Variants in TMOD1 observed in about 807,000 individuals in gnomAD.
The protein encoded by TMOD1 is tropomodulin 1.
A neutral mutation model predicts 40.6 loss-of-function variants in TMOD1; 17 were observed. That is an observed-to-expected ratio of 0.42 (90% CI 0.29 to 0.63). The LOEUF is 0.63. Ranked by LOEUF, TMOD1 falls within the 20% of genes least tolerant of loss-of-function variation. The pLI, the probability that TMOD1 is intolerant of heterozygous loss-of-function variation, is 0.22. For synonymous variants in TMOD1, 181 were observed against 175.0 expected (o/e 1.03, Z -0.27); for missense variants, 391 against 447.6 (o/e 0.87, Z 1.14).
At chr9:97,547,903 T>C (rs1305947299) in intron 3 of TMOD1, among the ~76,000 whole-genome samples, 1 of 152,214 alleles carries the variant, frequency 6.6e-6, no homozygotes, top group African/African-American at 2.4e-5. Context: ...GCCTGCCATA[T>C]AGTAGGGGTG....
At chr9:97,525,606 T>A (rs1284916653) in intron 2 of TMOD1, among the ~76,000 whole-genome samples, 1 of 152,250 alleles carries the variant, frequency 6.6e-6, no homozygotes, top group Admixed American at 6.5e-5. Flanking sequence ...ATTAGTTTGT[T>A]GTAGTTTTCC....
intron 9 of TMOD1, 96 bp from the exon 10 acceptor site, chr9:97,599,538 A>AC (rs1554687169): frequency 1.1e-5 from 16 of 1,499,852 alleles, no homozygotes; most frequent in South Asian, 5.8e-5. Flanking sequence ...TTAACAAACC[A>AC]ATTAGTGCGA....
In TMOD1 at chr9:97,566,123, C is replaced by T. The variant is rs114427535; in HGVS notation, c.726+168C>T. On this transcript the variant is annotated intron_variant, in intron 7 of 9. Coordinates refer to ENST00000259365, the MANE Select transcript of TMOD1 (RefSeq NM_003275.4). ...GGGGTGTAGAGGGAACAGCCATCACCTGGCACCACCTACACGTCATCCTGG... is the reference window on the plus strand; with the variant it reads ...GGGGTGTAGAGGGAACAGCCATCACTTGGCACCACCTACACGTCATCCTGG... Among the ~76,000 whole-genome samples, 685 of 152,250 alleles carry T rather than the reference C, an allele frequency of 4.5e-3. 7 individuals are homozygous for T. Among genetic ancestry groups the T allele is most frequent in the African/African-American group, 0.014 (588 of 41,534 alleles).
At chr9:97,540,235 T>C (rs549204004) in intron 2 of TMOD1, among the ~76,000 whole-genome samples, 1 of 152,294 alleles carries the variant, frequency 6.6e-6, no homozygotes, top group Admixed American at 6.5e-5. Flanking sequence ...AGACTTATTT[T>C]TGCACAATTC....
chr9:97,519,802 G>C (rs952520189), intron 1 of TMOD1, among the ~76,000 whole-genome samples: 5 of 152,094 alleles, frequency 3.3e-5, no homozygotes, highest in Non-Finnish European at 1.5e-5. Flanking sequence ...GGAGCCTGAC[G>C]ACAGCATGGC....
chr9:97,525,814 G>A (rs1830006305), intron 2 of TMOD1, among the ~76,000 whole-genome samples: 1 of 152,216 alleles, frequency 6.6e-6, no homozygotes, highest in African/African-American at 2.4e-5. Context: ...AAGTGGCCTG[G>A]TGGCAGTTTT....
intron 2 of TMOD1, among the ~76,000 whole-genome samples, chr9:97,545,777 C>T (rs1830351066): frequency 2.0e-5 from 3 of 152,208 alleles, no homozygotes; most frequent in Admixed American, 6.5e-5. Flanking sequence ...ATACTCAACT[C>T]AACTCCTGTG....
At chr9:97,562,427 A>C (rs372711143) in intron 4 of TMOD1, among the ~76,000 whole-genome samples, 15 of 152,252 alleles carry the variant, frequency 9.9e-5, no homozygotes, top group Admixed American at 1.3e-4. Context: ...AGATGGAAAG[A>C]GAGCCTTCCA....
At chr9:97,591,203 G>T (rs902254826) in intron 8 of TMOD1, 88 bp from the exon 9 acceptor site, 10 of 1,384,884 alleles carry the variant, frequency 7.2e-6, no homozygotes, top group Non-Finnish European at 9.6e-6. Flanking sequence ...CTACTCAAGA[G>T]TTTCTGCAGG....
intron 1 of TMOD1, among the ~76,000 whole-genome samples, chr9:97,510,334 G>A (rs371900948): frequency 6.6e-6 from 1 of 152,002 alleles, no homozygotes; most frequent in Non-Finnish European, 1.5e-5. Context: ...AGGTTCAAGC[G>A]ATTCTTTTGC....
At position 97,524,446 on chromosome 9, in the gene TMOD1, T is replaced by C. The variant is rs907317271; in HGVS notation, c.120+138T>C. 7 of 1,065,360 alleles carry C rather than the reference T, an allele frequency of 6.6e-6. No homozygotes were observed. The Admixed American group carries it at 2.0e-4, about 30-fold the overall frequency. 66.0% of individuals were successfully genotyped at this position (1,065,360 alleles called of 1,614,324 possible). ...GGTATAACTTTGCCTTTGCAGATTT[T>C]TCTTTTAATGTGTTGTATTAGGGTT... On this transcript the variant is annotated intron_variant, in intron 2 of 9. Transcript: ENST00000259365.
At chr9:97,552,044 T>A (rs1217471101) in intron 3 of TMOD1, among the ~76,000 whole-genome samples, 2 of 152,238 alleles carry the variant, frequency 1.3e-5, no homozygotes, top group Middle Eastern at 3.2e-3. Context: ...CCTGCAATAT[T>A]GCTGACTTTG....
intron 6 of TMOD1, among the ~76,000 whole-genome samples, chr9:97,564,509 G>A (rs1353462903): frequency 6.6e-6 from 1 of 152,170 alleles, no homozygotes; most frequent in Non-Finnish European, 1.5e-5. Context: ...TCAGACACAC[G>A]CTGCTGCATG....
chr9:97,590,866 A>G (rs1054791312), intron 8 of TMOD1, among the ~76,000 whole-genome samples: 1 of 152,146 alleles, frequency 6.6e-6, no homozygotes, highest in East Asian at 1.9e-4. Flanking sequence ...ATCTCCTGAG[A>G]AGTTTTTAAA....
intron 5 of TMOD1, 67 bp from the exon 6 acceptor site, chr9:97,563,971 T>C (rs371073283): frequency 6.4e-7 from 1 of 1,564,140 alleles, no homozygotes. Flanking sequence ...TTCCACAGTA[T>C]CTTTGTGTTG....
rs866775203 is a variant in TMOD1, at chr9:97,594,732, C to T, written c.1015+3297C>T. ...CCTGGGCACCAAGCTCTAAACAGAG[C>T]GTTCTGTGAGTGCAGGGTGCCAGGG... On this transcript the variant is annotated intron_variant, in intron 9 of 9. Transcript: ENST00000259365. 2.7e-4 allele frequency among the ~76,000 whole-genome samples: 41 copies of T among 152,316 alleles called. No individual in the cohort carries two copies. The Middle Eastern group carries it at 0.017, about 63-fold the overall frequency.
At chr9:97,519,791 C>T (rs923961590) in intron 1 of TMOD1, among the ~76,000 whole-genome samples, 5 of 152,094 alleles carry the variant, frequency 3.3e-5, no homozygotes, top group East Asian at 1.9e-4. Context: ...TGAGGGACCT[C>T]GGAGCCTGAC....
chr9:97,514,186 C>T (rs566393401), intron 1 of TMOD1, among the ~76,000 whole-genome samples: 5 of 150,986 alleles, frequency 3.3e-5, no homozygotes, highest in Non-Finnish European at 5.9e-5. Flanking sequence ...CTCAGCCTCC[C>T]GAGTAGCTTG....
In TMOD1 at chr9:97,557,749, C is replaced by T. The variant is rs1830558074; in HGVS notation, c.397+4349C>T. Among the ~76,000 whole-genome samples, 1 of 152,114 alleles carries T rather than the reference C, an allele frequency of 6.6e-6. No individual in the cohort carries two copies. The highest frequency in any genetic ancestry group is 1.5e-5 in the Non-Finnish European group (1 of 68,010). ...GGGGATGTGTGCTGTTATCTCTCTG[C>T]GTCCTGAGTGGAATTACCAAATGAG... On this transcript the variant is annotated intron_variant, in intron 4 of 9. Coordinates refer to ENST00000259365, the MANE Select transcript of TMOD1 (RefSeq NM_003275.4). The surrounding 1 kb of genome is among the most constrained non-coding windows in gnomAD (Gnocchi z 4.4).
Sources: gnomAD v4.1 joint callset for allele counts (sites outside exome capture counted in the v4.1 genomes callset) on GRCh38, gnomAD v4.1.1 for gene constraint, Gnocchi (gnomAD v3.1) non-coding constraint, MANE v1.5 for transcripts, NCBI Gene and HGNC (gene_info 2026-07-23, HGNC 2026-07-21) for gene names.